Variants in ABL1 observed in about 807,000 individuals in gnomAD.
ABL1 encodes the protein ABL proto-oncogene 1, non-receptor tyrosine kinase, also known as tyrosine-protein kinase ABL1.
A neutral mutation model predicts 94.7 loss-of-function variants in ABL1; 11 were observed. The ratio of observed to expected loss-of-function variants is 0.12; its 90% confidence interval spans 0.07 to 0.19. The LOEUF (loss-of-function observed/expected upper bound fraction) is 0.19, where lower values mean the gene tolerates loss of function less well. Among genes scored for constraint, ABL1 ranks in the 10% least tolerant of loss-of-function variants. ABL1 has a pLI of 1.00. For missense variants in ABL1, 1,082 were observed against 1,489.4 expected (o/e 0.73, Z 4.50); for synonymous variants, 656 against 622.4 (o/e 1.05, Z -0.80).
Position 130,880,992 on chromosome 9 carries a change from C to T in ABL1, c.1678+328C>T, listed in dbSNP as rs952877172. On this transcript the variant is annotated intron_variant, in intron 10 of 10. Transcript: ENST00000318560. The surrounding 1 kb of genome is among the most constrained non-coding windows in gnomAD (Gnocchi z 4.4). ...TGTGGTTGCTGTCTCAGAGCAGATT[C>T]AACAATAGTAAGCACCAGGCTGCGT... Among the ~76,000 whole-genome samples the T allele has an allele frequency of 1.4e-4, 22 of 152,190 alleles. No individual in the cohort carries two copies. Among genetic ancestry groups the T allele is most frequent in the African/African-American group, 5.1e-4 (21 of 41,444 alleles).
chr9:130,824,721 G>A (rs550617632), intron 1 of ABL1, among the ~76,000 whole-genome samples: 7 of 152,124 alleles, frequency 4.6e-5, no homozygotes, highest in Admixed American at 3.9e-4. Flanking sequence ...GTTTTCAAGC[G>A]GCTGCATGGC....
intron 1 of ABL1, among the ~76,000 whole-genome samples, chr9:130,789,041 A>G (rs1398002816): frequency 1.3e-5 from 2 of 152,102 alleles, no homozygotes; most frequent in Non-Finnish European, 2.9e-5. Flanking sequence ...TCTTGCATCT[A>G]AAAAGCAATC....
rs71389345 is a variant in ABL1 at position 130,750,644 on chromosome 9, C to CTTTTTT, written c.136+36204_136+36209dup. On this transcript the variant is annotated intron_variant, in intron 1 of 10. Transcript: ENST00000372348. ...TTCTTTTTCTTTTTTCTTTTTCTTT[C>CTTTTTT]TTTTTTTTTTTTTTTTTTTTGAGAC... Among the ~76,000 whole-genome samples the CTTTTTT allele has an allele frequency of 1.7e-3, 148 of 87,292 alleles. 5 individuals carry two copies. Among genetic ancestry groups the CTTTTTT allele is most frequent in the African/African-American group, 5.1e-3 (104 of 20,534 alleles). 57.3% of individuals were successfully genotyped at this position (87,292 alleles called of 152,430 possible).
intron 1 of ABL1, among the ~76,000 whole-genome samples, chr9:130,731,446 T>A (rs574464809): frequency 6.6e-6 from 1 of 152,314 alleles, no homozygotes; most frequent in Non-Finnish European, 1.5e-5. Context: ...GAAGTTTCAC[T>A]CTCTTACATC....
chr9:130,784,256 TA>T (rs1829797970), intron 1 of ABL1, among the ~76,000 whole-genome samples: 1 of 152,234 alleles, frequency 6.6e-6, no homozygotes, highest in African/African-American at 2.4e-5. Context: ...ATTCTACGAA[TA>T]TACAAATTTC....
intron 1 of ABL1, among the ~76,000 whole-genome samples, chr9:130,750,299 T>A (rs1443762803): frequency 6.7e-6 from 1 of 148,510 alleles, no homozygotes; most frequent in Non-Finnish European, 1.5e-5. Context: ...GATTTTTCAG[T>A]TTATTTCTTC....
chr9:130,734,162 A>G (rs1307758300), intron 1 of ABL1, among the ~76,000 whole-genome samples: 2 of 152,052 alleles, frequency 1.3e-5, no homozygotes, highest in African/African-American at 4.8e-5. Context: ...AATTTAATCA[A>G]ATTTTTAATT....
intron 1 of ABL1, among the ~76,000 whole-genome samples, chr9:130,783,838 T>A (rs1829790249): frequency 6.6e-6 from 1 of 152,104 alleles, no homozygotes; most frequent in South Asian, 2.1e-4. Context: ...GTATTTTTAG[T>A]AGAGACGGGG....
chr9:130,819,620 C>A (rs1429804171), intron 1 of ABL1, among the ~76,000 whole-genome samples: 1 of 145,896 alleles, frequency 6.9e-6, no homozygotes, highest in African/African-American at 2.5e-5. Flanking sequence ...CTCACTGCAA[C>A]CTCCGCCTCC....
At chr9:130,732,786 T>C (rs1203333105) in intron 1 of ABL1, among the ~76,000 whole-genome samples, 1 of 152,090 alleles carries the variant, frequency 6.6e-6, no homozygotes, top group African/African-American at 2.4e-5. Context: ...TGTTTTTTTT[T>C]TTTTCACTGT....
intron 1 of ABL1, among the ~76,000 whole-genome samples, chr9:130,717,371 A>G (rs940359115): frequency 2.6e-5 from 4 of 151,912 alleles, no homozygotes; most frequent in Admixed American, 2.6e-4. Context: ...TGATCAATGC[A>G]TGATATAAAA....
intron 1 of ABL1, among the ~76,000 whole-genome samples, chr9:130,737,329 G>A (rs1192764763): frequency 4.6e-5 from 7 of 151,646 alleles, no homozygotes; most frequent in African/African-American, 1.7e-4. Context: ...GTGCAGTGGC[G>A]TCATCTCAGC....
At chr9:130,855,428 A>G (rs1384547403) in intron 3 of ABL1, among the ~76,000 whole-genome samples, 1 of 152,204 alleles carries the variant, frequency 6.6e-6, no homozygotes, top group East Asian at 1.9e-4. Flanking sequence ...TTATAATGAT[A>G]GAAATCATCC....
rs868734928 is a variant in ABL1, at chr9:130,862,150, G to A, written c.550-613G>A. Among the ~76,000 whole-genome samples, 1 of 152,084 alleles carries A rather than the reference G, an allele frequency of 6.6e-6. No homozygotes were observed. Among genetic ancestry groups the A allele is most frequent in the African/African-American group, 2.4e-5 (1 of 41,400 alleles). ...AAATTATAAATTAAATGAATTCTTC[G>A]CTTTTCCTACCAGCAACTACCCACC... On this transcript the variant is annotated intron_variant, in intron 3 of 10. Transcript: ENST00000318560. The surrounding 1 kb of genome is among the most constrained non-coding windows in gnomAD (Gnocchi z 5.5).
At chr9:130,857,404 G>T (rs528987006) in intron 3 of ABL1, among the ~76,000 whole-genome samples, 4 of 152,326 alleles carry the variant, frequency 2.6e-5, no homozygotes, top group South Asian at 2.1e-4. Context: ...ATCTCATTAT[G>T]TTGAATATCC....
In ABL1 at chr9:130,872,785, G is replaced by C. The variant is rs1202910094; in HGVS notation, c.908-75G>C. 6.8e-7 allele frequency: 1 copy of C among 1,468,882 alleles called. No individual in the cohort carries two copies. Among genetic ancestry groups the C allele is most frequent in the East Asian group, 2.3e-5 (1 of 43,340 alleles). 91.0% of individuals were successfully genotyped at this position (1,468,882 alleles called of 1,614,324 possible). ...GAGCAGAGTCAGAATCCTTCAGAAGGCTTTTTCTTTAGACAGTTGTTTGTT... is the reference window on the plus strand; with the variant it reads ...GAGCAGAGTCAGAATCCTTCAGAAGCCTTTTTCTTTAGACAGTTGTTTGTT... On this transcript the variant is annotated intron_variant, in intron 5 of 10. Coordinates refer to ENST00000318560, the MANE Select transcript of ABL1 (RefSeq NM_005157.6). The surrounding 1 kb of genome is among the most constrained non-coding windows in gnomAD (Gnocchi z 5.0).
intron 1 of ABL1, among the ~76,000 whole-genome samples, chr9:130,825,287 T>C (rs1830411033): frequency 6.6e-6 from 1 of 152,162 alleles, no homozygotes. Flanking sequence ...AGCCCTTCTC[T>C]CTACACTCCC....
intron 1 of ABL1, among the ~76,000 whole-genome samples, chr9:130,729,042 G>C (rs1019268803): frequency 6.6e-6 from 1 of 152,142 alleles, no homozygotes; most frequent in African/African-American, 2.4e-5. Context: ...GTGACTGGTC[G>C]TTAAGTTAGT....
rs376324569 is a variant in ABL1, at chr9:130,790,671, G to A, written c.137-63393G>A. On this transcript the variant is annotated intron_variant, in intron 1 of 10. Coordinates refer to the ABL1 transcript ENST00000372348. ...TTATTTTTTGTAGCAACAGGGTCTC[G>A]CTGTGCTGCCCAGGCTGGGTTTGAA... 3.1e-3 allele frequency among the ~76,000 whole-genome samples: 465 copies of A among 151,298 alleles called. 4 individuals carry two copies. The highest frequency in any genetic ancestry group is 0.011 in the African/African-American group (432 of 41,038).
Sources: gnomAD v4.1 joint callset for allele counts (sites outside exome capture counted in the v4.1 genomes callset) on GRCh38, gnomAD v4.1.1 for gene constraint, Gnocchi (gnomAD v3.1) non-coding constraint, MANE v1.5 for transcripts, NCBI Gene and HGNC (gene_info 2026-07-23, HGNC 2026-07-21) for gene names.